Variants in NAALADL2 observed in about 807,000 individuals in gnomAD.
NAALADL2 encodes the protein inactive N-acetylated-alpha-linked acidic dipeptidase-like protein 2.
NAALADL2 carries 76 observed loss-of-function variants against 87.2 expected under a neutral mutation model. The ratio of observed to expected loss-of-function variants is 0.87; its 90% CI spans 0.72 to 1.05. The LOEUF (loss-of-function observed/expected upper bound fraction) is 1.05, where lower values mean the gene tolerates loss of function less well. Ranked by LOEUF, NAALADL2 falls within the 50% of genes least tolerant of loss-of-function variation. The pLI is 0.00. For missense variants in NAALADL2, 1,089 were observed against 945.8 expected (o/e 1.15, Z -1.99); for synonymous variants, 354 against 331.0 (o/e 1.07, Z -0.75).
chr3:175,054,982 G>A (rs1403623393), intron 1 of NAALADL2, among the ~76,000 whole-genome samples: 1 of 152,082 alleles, frequency 6.6e-6, no homozygotes, highest in Non-Finnish European at 1.5e-5. Flanking sequence ...TATACTTCGG[G>A]GGCTTTACCA....
intron 4 of NAALADL2, among the ~76,000 whole-genome samples, chr3:175,323,218 C>T (rs2110421160): frequency 6.7e-6 from 1 of 149,716 alleles, no homozygotes; most frequent in South Asian, 2.1e-4. Context: ...AACCATCATT[C>T]TCAGTAAACT....
At chr3:174,473,802 G>A (rs1273195249) in intron 1 of NAALADL2, among the ~76,000 whole-genome samples, 1 of 152,066 alleles carries the variant, frequency 6.6e-6, no homozygotes, top group Admixed American at 6.6e-5. Flanking sequence ...TGATAAATTC[G>A]TATTTTGAGG....
chr3:175,133,469 C>T (rs140053196), intron 2 of NAALADL2, among the ~76,000 whole-genome samples: 1,935 of 152,346 alleles, frequency 0.013, 37 homozygotes, highest in African/African-American at 0.042. Context: ...TCTGCAATCC[C>T]GGCACCTTGG....
At chr3:175,103,628 CAA>C (rs1722611715) in intron 2 of NAALADL2, among the ~76,000 whole-genome samples, 1 of 152,096 alleles carries the variant, frequency 6.6e-6, no homozygotes, top group South Asian at 2.1e-4. Flanking sequence ...CAGAAGTACA[CAA>C]GAGAGGATTT....
intron 5 of NAALADL2, among the ~76,000 whole-genome samples, chr3:175,384,897 T>G (rs1230335347): frequency 1.3e-5 from 2 of 152,034 alleles, no homozygotes; most frequent in Non-Finnish European, 1.5e-5. Flanking sequence ...AAGTAGAGAA[T>G]GCAGTGTTTT....
At chr3:175,358,347 A>AT (rs1764610265) in intron 5 of NAALADL2, among the ~76,000 whole-genome samples, 1 of 152,206 alleles carries the variant, frequency 6.6e-6, no homozygotes, top group East Asian at 1.9e-4. Context: ...TGGATTTTTC[A>AT]TTCTTTTTTA....
At chr3:174,654,429 G>C (rs1173923178) in intron 2 of NAALADL2, among the ~76,000 whole-genome samples, 1 of 152,068 alleles carries the variant, frequency 6.6e-6, no homozygotes, top group Non-Finnish European at 1.5e-5. Flanking sequence ...AAATTAGAAA[G>C]GGCTAACTTG....
chr3:175,003,008 CTT>C (rs1232557362), intron 1 of NAALADL2, among the ~76,000 whole-genome samples: 12 of 152,174 alleles, frequency 7.9e-5, no homozygotes, highest in Non-Finnish European at 1.8e-4. Context: ...CAAGGGACAT[CTT>C]TTCTGATTAG....
chr3:175,753,674 G>A (rs1746888402), intron 12 of NAALADL2, among the ~76,000 whole-genome samples: 1 of 152,086 alleles, frequency 6.6e-6, no homozygotes, highest in South Asian at 2.1e-4. Flanking sequence ...TTGAAATGAA[G>A]ATTCTTGGCT....
At chr3:174,723,098 G>A (rs182747027) in intron 2 of NAALADL2, among the ~76,000 whole-genome samples, 5 of 152,248 alleles carry the variant, frequency 3.3e-5, no homozygotes, top group East Asian at 1.9e-4. Context: ...GAGAGACAGA[G>A]AGACTGAATC....
intron 5 of NAALADL2, among the ~76,000 whole-genome samples, chr3:175,362,741 CT>C (rs1765175009): frequency 6.8e-6 from 1 of 147,972 alleles, no homozygotes; most frequent in African/African-American, 2.5e-5. Flanking sequence ...CCTTTTGGTT[CT>C]TTAAGGAATC....
At chr3:174,703,999 TTATC>T (rs972728880) in intron 2 of NAALADL2, among the ~76,000 whole-genome samples, 1 of 152,150 alleles carries the variant, frequency 6.6e-6, no homozygotes, top group Non-Finnish European at 1.5e-5. Context: ...AGAATCTACT[TTATC>T]TATCAGTTCA....
chr3:174,892,921 C>CAAAAAAAAAAAAA (rs35081771), intron 1 of NAALADL2, among the ~76,000 whole-genome samples: 1 of 108,544 alleles, frequency 9.2e-6, no homozygotes, highest in African/African-American at 3.4e-5. Flanking sequence ...GACTCCAACT[C>CAAAAAAAAAAAAA]AAAAAAAAAA....
intron 3 of NAALADL2, among the ~76,000 whole-genome samples, chr3:174,799,536 G>C (rs761674662): frequency 6.6e-6 from 1 of 152,166 alleles, no homozygotes; most frequent in Non-Finnish European, 1.5e-5. Context: ...CACCATGACT[G>C]TGAAGCTTAA....
chr3:174,623,929 TAG>T (rs74776648), intron 2 of NAALADL2, among the ~76,000 whole-genome samples: 17,912 of 152,132 alleles, frequency 0.12, 1,236 homozygotes, highest in South Asian at 0.3. Flanking sequence ...ACTTGGAAAG[TAG>T]AGTGATCGAT....
At chr3:174,957,488 A>G (rs978944787) in intron 1 of NAALADL2, among the ~76,000 whole-genome samples, 8 of 152,206 alleles carry the variant, frequency 5.3e-5, no homozygotes. Context: ...ATACTTAAAA[A>G]GAGCTGGTTA....
Position 175,463,457 on chromosome 3 carries a change from A to G in NAALADL2, c.1291A>G (p.Asn431Asp), listed in dbSNP as rs1560591741. The change falls in exon 7 of 14, where the codon AAT becomes GAT. Residue 431 changes from asparagine to aspartate, a missense_variant. Asn to Asp is a conservative substitution (Grantham distance 23, BLOSUM62 1). Transcript: ENST00000454872. ...AGTCACAAAATTGAAAACAGTTACT[A>G]ATGTTGTTGGATTTGTAATGGGCTT... ...QTVTKLKTVT[N>D]VVGFVMGLTS... is the part of the protein sequence containing the mutation. 2 of 1,600,546 alleles carry G rather than the reference A, an allele frequency of 1.2e-6. No individual in the cohort carries two copies. The highest frequency in any genetic ancestry group is 4.5e-5 in the East Asian group (2 of 44,460).
chr3:175,314,563 C>CTATATA (rs57049565), intron 4 of NAALADL2, among the ~76,000 whole-genome samples: 1,170 of 69,572 alleles, frequency 0.017, 46 homozygotes, highest in African/African-American at 0.025. Flanking sequence ...CACATTCTAA[C>CTATATA]TATATATATA....
chr3:174,609,652 A>G (rs933440329), intron 2 of NAALADL2, among the ~76,000 whole-genome samples: 2 of 152,192 alleles, frequency 1.3e-5, no homozygotes, highest in African/African-American at 2.4e-5. Flanking sequence ...CCACTCCTCA[A>G]TGAAATAAAA....
Sources: gnomAD v4.1 joint callset for allele counts (sites outside exome capture counted in the v4.1 genomes callset) on GRCh38, gnomAD v4.1.1 for gene constraint, MANE v1.5 for transcripts, NCBI Gene and HGNC (gene_info 2026-07-23, HGNC 2026-07-21) for gene names.